DRC11: variants seen among roughly 807,000 people sequenced by gnomAD.
DRC11 encodes the protein IQ and AAA domain-containing protein 1.
At chr2:236,318,522 C>T in the DRC11 span, among the ~76,000 whole-genome samples, 3 of 151,736 alleles carry the variant, frequency 2.0e-5, no homozygotes, top group Non-Finnish European at 4.4e-5. This position sits in a 1 kb window ranked among gnomAD's most constrained non-coding sequence, Gnocchi z 7.0. Context: ...TGTTTTTGGG[C>T]CTGTATATGT....
the DRC11 span, among the ~76,000 whole-genome samples, chr2:236,414,498 T>A: frequency 6.6e-6 from 1 of 152,164 alleles, no homozygotes; most frequent in South Asian, 2.1e-4. Flanking sequence ...GCTTCTTTTT[T>A]TGTTTTTAGT....
At chr2:236,389,316 T>C in the DRC11 span, among the ~76,000 whole-genome samples, 1 of 152,188 alleles carries the variant, frequency 6.6e-6, no homozygotes, top group African/African-American at 2.4e-5. Flanking sequence ...CCAGCGAGAC[T>C]CCATGGGCGT....
the DRC11 span, among the ~76,000 whole-genome samples, chr2:236,400,171 C>G: frequency 6.6e-6 from 1 of 152,206 alleles, no homozygotes; most frequent in Non-Finnish European, 1.5e-5. This position sits in a 1 kb window ranked among gnomAD's most constrained non-coding sequence, Gnocchi z 7.9. Context: ...GTTCTAGCAC[C>G]AGGGCTGTTC....
At chr2:236,425,853 G>A in the DRC11 span, among the ~76,000 whole-genome samples, 1 of 151,942 alleles carries the variant, frequency 6.6e-6, no homozygotes, top group Non-Finnish European at 1.5e-5. Flanking sequence ...TCTGCATGTG[G>A]ATATATAGTT....
chr2:236,450,207 TG>T, the DRC11 span, among the ~76,000 whole-genome samples: 2 of 152,106 alleles, frequency 1.3e-5, no homozygotes, highest in Admixed American at 1.3e-4. Flanking sequence ...TACAGTGGAA[TG>T]GGTCCAATTT....
the DRC11 span, among the ~76,000 whole-genome samples, chr2:236,419,642 A>G: frequency 6.6e-6 from 1 of 152,226 alleles, no homozygotes; most frequent in South Asian, 2.1e-4. This position sits in a 1 kb window ranked among gnomAD's most constrained non-coding sequence, Gnocchi z 4.8. Context: ...GCTCGTCAAA[A>G]TCCAGGGGGA....
the DRC11 span, among the ~76,000 whole-genome samples, chr2:236,325,788 A>T: frequency 6.6e-6 from 1 of 152,070 alleles, no homozygotes; most frequent in Admixed American, 6.5e-5. The surrounding 1 kb of genome is among the most constrained non-coding windows in gnomAD (Gnocchi z 4.4). Flanking sequence ...TTTTTAGTAG[A>T]GACGGGGTTT....
the DRC11 span, among the ~76,000 whole-genome samples, chr2:236,363,277 G>T: frequency 6.6e-6 from 1 of 152,232 alleles, no homozygotes; most frequent in Non-Finnish European, 1.5e-5. This position sits in a 1 kb window ranked among gnomAD's most constrained non-coding sequence, Gnocchi z 5.6. Context: ...GCTTAGCTAA[G>T]ATCACAGAGC....
At chr2:236,449,889 A>G in the DRC11 span, among the ~76,000 whole-genome samples, 5 of 152,146 alleles carry the variant, frequency 3.3e-5, no homozygotes, top group African/African-American at 7.2e-5. The surrounding 1 kb of genome is among the most constrained non-coding windows in gnomAD (Gnocchi z 5.1). Context: ...GTGAAAAGAC[A>G]TGAGTTGCCA....
At chr2:236,314,939 A>T in the DRC11 span, among the ~76,000 whole-genome samples, 1 of 152,206 alleles carries the variant, frequency 6.6e-6, no homozygotes, top group African/African-American at 2.4e-5. This position sits in a 1 kb window ranked among gnomAD's most constrained non-coding sequence, Gnocchi z 4.5. Flanking sequence ...GAAATGCATA[A>T]GCTGATTATA....
chr2:236,325,867 G>T, the DRC11 span, among the ~76,000 whole-genome samples: 84,151 of 152,120 alleles, frequency 0.55, 26,767 homozygotes, highest in African/African-American at 0.89. The surrounding 1 kb of genome is among the most constrained non-coding windows in gnomAD (Gnocchi z 4.4). Context: ...CCTCCCCAAG[G>T]GTAGGGATTA....
the DRC11 span, among the ~76,000 whole-genome samples, chr2:236,410,090 C>T: frequency 2.0e-5 from 3 of 151,542 alleles, no homozygotes; most frequent in Middle Eastern, 3.4e-3. Context: ...TGTGTCTCTG[C>T]CCGGCTTTGG....
chr2:236,432,908 G>T, the DRC11 span, among the ~76,000 whole-genome samples: 1 of 151,872 alleles, frequency 6.6e-6, no homozygotes, highest in Non-Finnish European at 1.5e-5. Flanking sequence ...TGTTTTATAC[G>T]TAAGTGTTTG....
chr2:236,316,276 C>T, the DRC11 span, among the ~76,000 whole-genome samples: 2 of 152,084 alleles, frequency 1.3e-5, no homozygotes, highest in African/African-American at 2.4e-5. The surrounding 1 kb of genome is among the most constrained non-coding windows in gnomAD (Gnocchi z 6.8). Flanking sequence ...GATTCTCCTG[C>T]CTCAGCCTCC....
chr2:236,454,164 G>A, the DRC11 span, among the ~76,000 whole-genome samples: 5 of 152,238 alleles, frequency 3.3e-5, no homozygotes, highest in African/African-American at 9.6e-5. This position sits in a 1 kb window ranked among gnomAD's most constrained non-coding sequence, Gnocchi z 5.3. Context: ...GACAGCCTGC[G>A]GGCCCACAAA....
the DRC11 span, chr2:236,324,409 T>G: frequency 1.5e-4 from 46 of 309,780 alleles, no homozygotes; most frequent in African/African-American, 9.3e-4. The surrounding 1 kb of genome is among the most constrained non-coding windows in gnomAD (Gnocchi z 5.7). Context: ...GAATTTCAGT[T>G]ATATACAAAC....
chr2:236,366,260 G>A, the DRC11 span, among the ~76,000 whole-genome samples: 1 of 152,138 alleles, frequency 6.6e-6, no homozygotes, highest in African/African-American at 2.4e-5. Flanking sequence ...GGCTGCAGCC[G>A]GTGTCTCCTG....
At chr2:236,428,244 G>T in the DRC11 span, among the ~76,000 whole-genome samples, 7 of 152,002 alleles carry the variant, frequency 4.6e-5, no homozygotes, top group African/African-American at 1.7e-4. Flanking sequence ...ATGTCTATTA[G>T]GTCCATTTGG....
At chr2:236,498,586 G>A in the DRC11 span, among the ~76,000 whole-genome samples, 1 of 152,144 alleles carries the variant, frequency 6.6e-6, no homozygotes, top group Non-Finnish European at 1.5e-5. Flanking sequence ...TGAACAAAGA[G>A]GAAGCCAGAG....
Sources: gnomAD v4.1 joint callset for allele counts (sites outside exome capture counted in the v4.1 genomes callset) on GRCh38, gnomAD v4.1.1 for gene constraint, Gnocchi (gnomAD v3.1) non-coding constraint, MANE v1.5 for transcripts, NCBI Gene and HGNC (gene_info 2026-07-23, HGNC 2026-07-21) for gene names.